Variants in FAM110B observed in about 807,000 individuals in gnomAD.
FAM110B encodes family with sequence similarity 110 member B, also known as protein FAM110B.
In FAM110B, 6 loss-of-function variants were observed where a neutral mutation model predicts 20.4. The observed-to-expected ratio is 0.29, with a 90% CI of 0.16 to 0.58. The LOEUF (loss-of-function observed/expected upper bound fraction) is 0.58, where lower values mean the gene tolerates loss of function less well. FAM110B is among the 20% of genes least tolerant of loss of function. The pLI, the probability that FAM110B is intolerant of heterozygous loss-of-function variation, is 0.90. For synonymous variants in FAM110B, 226 were observed against 214.1 expected (o/e 1.06, Z -0.49); for missense variants, 434 against 498.2 (o/e 0.87, Z 1.23).
chr8:58,132,278 G>T (rs527962403), intron 3 of FAM110B, among the ~76,000 whole-genome samples: 1 of 152,028 alleles, frequency 6.6e-6, no homozygotes, highest in East Asian at 1.9e-4. Flanking sequence ...TCCTAACCGC[G>T]GCTTCTCCCT....
chr8:58,146,733 C>A lies in FAM110B; in HGVS notation c.503C>A (p.Thr168Lys), dbSNP rs776004086. The change falls in exon 4 of 4, where the codon ACG becomes AAG. Residue 168 changes from threonine (T) to lysine (K), a missense_variant. By Grantham distance (78) the Thr-to-Lys change is moderately conservative. Coordinates refer to ENST00000519262, the MANE Select transcript of FAM110B (RefSeq NM_001377989.1). ...GCGGAGTCCCTGAAGGTCTACCCCA[C>A]GCAGGGCCGCAGGAGCCCGCAGGAG... ...SFAESLKVYP[T>K]QGRRSPQEGG... The A allele has an allele frequency of 6.2e-7, 1 of 1,612,106 alleles. No homozygotes were observed. Among genetic ancestry groups the A allele is most frequent in the Non-Finnish European group, 8.5e-7 (1 of 1,179,200 alleles).
chr8:58,039,862 C>T (rs1805172466), intron 2 of FAM110B, among the ~76,000 whole-genome samples: 2 of 152,210 alleles, frequency 1.3e-5, no homozygotes, highest in Admixed American at 1.3e-4. Flanking sequence ...TGGGTGCCAG[C>T]AGTCCCACCT....
At chr8:58,004,242 C>T (rs1463655083) in intron 1 of FAM110B, among the ~76,000 whole-genome samples, 1 of 152,160 alleles carries the variant, frequency 6.6e-6, no homozygotes, top group African/African-American at 2.4e-5. Flanking sequence ...CAGCCTAGTT[C>T]CTAAACCCAG....
chr8:58,059,625 G>GTT (rs542031730), intron 2 of FAM110B, among the ~76,000 whole-genome samples: 1 of 143,818 alleles, frequency 7.0e-6, no homozygotes, highest in African/African-American at 2.5e-5. Flanking sequence ...ATTTGTAGGA[G>GTT]TTTTTTTTTT....
chr8:58,072,611 G>A (rs1805928481), intron 2 of FAM110B, among the ~76,000 whole-genome samples: 1 of 152,152 alleles, frequency 6.6e-6, no homozygotes, highest in Non-Finnish European at 1.5e-5. Context: ...TAAAAAGAAA[G>A]TTTTTGGACA....
Position 58,146,927 on chromosome 8 carries a change from A to G in FAM110B, c.697A>G (p.Ile233Val), listed in dbSNP as rs559377618. 2 of 1,614,136 alleles carry G rather than the reference A, an allele frequency of 1.2e-6. No individual in the cohort carries two copies. The highest frequency in any genetic ancestry group is 2.2e-5 in the East Asian group (1 of 44,870). Reference sequence around the variant, plus strand: ...GCCTCCCAAGCCCAAAATCGCAGCCATCGCCTCCATGAAGTCCCCCGAGGC... The same window carrying G: ...GCCTCCCAAGCCCAAAATCGCAGCCGTCGCCTCCATGAAGTCCCCCGAGGC... Reference protein sequence around the residue: ...PLPPKPKIAAIASMKSPEADP... With the variant: ...PLPPKPKIAAVASMKSPEADP... The change falls in exon 4 of 4, where the codon ATC (isoleucine) becomes GTC (valine). Residue 233 changes from isoleucine to valine, a missense_variant. Ile to Val is a conservative substitution (Grantham distance 29). Around this residue, in one of 3 missense-constraint regions of FAM110B, gnomAD observed 284 missense variants for 278.3 expected, o/e 1.02. Transcript: ENST00000519262.
chr8:58,034,626 G>T (rs1465278339), intron 2 of FAM110B, among the ~76,000 whole-genome samples: 2 of 152,126 alleles, frequency 1.3e-5, no homozygotes, highest in Admixed American at 1.3e-4. Context: ...TTACGATAGT[G>T]CCCAGATCAT....
intron 3 of FAM110B, among the ~76,000 whole-genome samples, chr8:58,104,561 A>G (rs1430145452): frequency 1.3e-5 from 2 of 152,218 alleles, no homozygotes; most frequent in African/African-American, 4.8e-5. Flanking sequence ...GCTTGCAGCC[A>G]TCTATGTTAT....
intron 2 of FAM110B, among the ~76,000 whole-genome samples, chr8:58,071,178 A>G (rs1205484886): frequency 6.6e-6 from 1 of 152,236 alleles, no homozygotes; most frequent in African/African-American, 2.4e-5. Context: ...AAAATGGTAC[A>G]TTCTAAAAGA....
chr8:58,126,486 G>T (rs946934559), intron 3 of FAM110B, among the ~76,000 whole-genome samples: 6 of 152,146 alleles, frequency 3.9e-5, no homozygotes, highest in Non-Finnish European at 8.8e-5. Flanking sequence ...ATTTACCAGG[G>T]TGTCTCTACA....
At chr8:58,078,789 A>G (rs997408764) in intron 3 of FAM110B, among the ~76,000 whole-genome samples, 42 of 152,022 alleles carry the variant, frequency 2.8e-4, no homozygotes, top group African/African-American at 9.9e-4. Context: ...TGACCTCGTG[A>G]TCCGCCCGCC....
intron 1 of FAM110B, among the ~76,000 whole-genome samples, chr8:58,018,353 T>A (rs1179899516): frequency 6.6e-6 from 1 of 152,184 alleles, no homozygotes; most frequent in Non-Finnish European, 1.5e-5. Context: ...GCCTTTTCCT[T>A]GTCTTTGGAA....
At chr8:58,030,247 A>G (rs1804936968) in intron 1 of FAM110B, among the ~76,000 whole-genome samples, 1 of 152,216 alleles carries the variant, frequency 6.6e-6, no homozygotes, top group South Asian at 2.1e-4. Context: ...TTAAAGCAAT[A>G]AAAAGAACCA....
At chr8:58,121,233 A>C (rs1256638740) in intron 3 of FAM110B, among the ~76,000 whole-genome samples, 2 of 152,200 alleles carry the variant, frequency 1.3e-5, no homozygotes, top group African/African-American at 4.8e-5. Context: ...TCTGTTGTCC[A>C]CACGCACCAC....
intron 3 of FAM110B, among the ~76,000 whole-genome samples, chr8:58,081,667 C>T (rs1378544204): frequency 6.6e-6 from 1 of 152,214 alleles, no homozygotes; most frequent in East Asian, 1.9e-4. Flanking sequence ...GTTCCCTACA[C>T]ACCTGGTTCC....
At chr8:58,123,385 G>A (rs943651208) in intron 3 of FAM110B, among the ~76,000 whole-genome samples, 4 of 152,112 alleles carry the variant, frequency 2.6e-5, no homozygotes, top group Non-Finnish European at 4.4e-5. Context: ...GATTGCCACC[G>A]TCCTGTGAGA....
At chr8:58,039,683 G>A (rs1016341159) in intron 2 of FAM110B, among the ~76,000 whole-genome samples, 1 of 152,178 alleles carries the variant, frequency 6.6e-6, no homozygotes, top group Non-Finnish European at 1.5e-5. Context: ...TGATAGTGGT[G>A]GTTTGAGTCA....
At chr8:58,029,086 A>G (rs1364956121) in intron 1 of FAM110B, among the ~76,000 whole-genome samples, 5 of 152,182 alleles carry the variant, frequency 3.3e-5, no homozygotes, top group African/African-American at 1.2e-4. Flanking sequence ...TGTTGTTAAT[A>G]AGCTGCTGAC....
At chr8:58,026,948 T>C (rs558357310) in intron 1 of FAM110B, among the ~76,000 whole-genome samples, 7 of 151,926 alleles carry the variant, frequency 4.6e-5, no homozygotes, top group African/African-American at 1.7e-4. Flanking sequence ...CATCCCTGGA[T>C]CCAACTGTTT....
Sources: gnomAD v4.1 joint callset for allele counts (sites outside exome capture counted in the v4.1 genomes callset) on GRCh38, gnomAD v4.1.1 for gene constraint, gnomAD v4.1.1 regional missense constraint, MANE v1.5 for transcripts, NCBI Gene and HGNC (gene_info 2026-07-23, HGNC 2026-07-21) for gene names.